Variants in DNAH14 observed in about 807,000 individuals in gnomAD.
DNAH14 encodes axonemal beta dynein heavy chain 14.
DNAH14 carries 478 observed loss-of-function variants against 520.9 expected under a neutral mutation model. The observed-to-expected ratio is 0.92, with a 90% CI of 0.85 to 0.99. The LOEUF (loss-of-function observed/expected upper bound fraction) is 0.99, where lower values mean the gene tolerates loss of function less well. Among genes scored for constraint, DNAH14 ranks in the 50% least tolerant of loss-of-function variants. The pLI, the probability that DNAH14 is intolerant of heterozygous loss-of-function variation, is 0.00. For missense variants in DNAH14, 4,831 were observed against 5,234.5 expected, an observed-to-expected ratio of 0.92 and a Z score of 2.38; for synonymous variants, 1,581 against 1,757.2, an observed-to-expected ratio of 0.90 and a Z score of 2.51.
chr1:225,167,169 T>C (rs978535475), intron 35 of DNAH14, among the ~76,000 whole-genome samples: 1 of 152,220 alleles, frequency 6.6e-6, no homozygotes, highest in East Asian at 1.9e-4. Flanking sequence ...CCTCCAGTTA[T>C]TGCCATAGAA....
chr1:225,193,981 A>AAT, intron 38 of DNAH14, among the ~76,000 whole-genome samples: 1 of 152,178 alleles, frequency 6.6e-6, no homozygotes. Flanking sequence ...CCAGGAATAC[A>AAT]TCTAACCAAG....
chr1:225,062,065 G>A (rs1558831076), intron 17 of DNAH14, among the ~76,000 whole-genome samples: 1 of 46,202 alleles, frequency 2.2e-5, no homozygotes, highest in African/African-American at 3.2e-5. Flanking sequence ...TTGGGAGGCC[G>A]AGGCGGATGG....
chr1:225,145,270 C>T lies in DNAH14; in HGVS notation c.4741-56C>T, dbSNP rs1033401643. On this transcript the variant is annotated intron_variant, in intron 29 of 85. Coordinates refer to ENST00000682510, the MANE Select transcript of DNAH14 (RefSeq NM_001367479.1). The stretch of plus-strand genomic sequence containing the variant: ...CATTTTATTACTCTAGCAGTTTTAA[C>T]ATTAGTATTTTGTGTCATAATTCAA... The T allele has an allele frequency of 2.9e-6, 4 of 1,369,176 alleles. No individual in the cohort carries two copies. In the African/African-American group the frequency reaches 4.4e-5, roughly 15 times the overall value. The allele number at this position is 1,369,176 out of a possible 1,614,324, so 84.8% of individuals were successfully genotyped here. A position where few individuals can be genotyped will look rare whatever the true frequency, so the allele number is the denominator to read the frequency against.
intron 76 of DNAH14, 27 bp from the exon 77 acceptor site, chr1:225,367,778 G>A (rs1297402943): frequency 8.6e-6 from 13 of 1,512,078 alleles, no homozygotes; most frequent in Non-Finnish European, 1.1e-5. Context: ...GTCCTCACAT[G>A]CCATTTTACT....
At chr1:225,369,501 C>T (rs1041182786) in intron 77 of DNAH14, among the ~76,000 whole-genome samples, 3 of 149,692 alleles carry the variant, frequency 2.0e-5, no homozygotes, top group Non-Finnish European at 3.0e-5. Context: ...TATATATACA[C>T]ACATGTATAT....
chr1:225,024,224 G>A, intron 11 of DNAH14: 1 of 988,116 alleles, frequency 1.0e-6, no homozygotes, highest in Non-Finnish European at 1.2e-6. Flanking sequence ...AGTATACTCT[G>A]TCTTCCAGGT....
At chr1:224,967,213 G>A (rs1397946699) in intron 5 of DNAH14, among the ~76,000 whole-genome samples, 3 of 151,848 alleles carry the variant, frequency 2.0e-5, no homozygotes, top group Non-Finnish European at 4.4e-5. Flanking sequence ...CCTTTTTTAA[G>A]GATGAAAATT....
chr1:225,333,213 C>T, intron 65 of DNAH14, 78 bp from the exon 66 acceptor site: 1 of 1,206,714 alleles, frequency 8.3e-7, no homozygotes, highest in East Asian at 2.6e-5. Flanking sequence ...ATAGATCCAA[C>T]TTGGAAATCA....
intron 31 of DNAH14, among the ~76,000 whole-genome samples, chr1:225,148,379 T>C (rs889427395): frequency 6.6e-6 from 1 of 150,514 alleles, no homozygotes; most frequent in African/African-American, 2.5e-5. Context: ...TTTTCTCTAA[T>C]GATCAGTAAT....
At chr1:225,002,066 G>A (rs1324064310) in intron 8 of DNAH14, among the ~76,000 whole-genome samples, 4 of 152,084 alleles carry the variant, frequency 2.6e-5, no homozygotes, top group African/African-American at 4.8e-5. Flanking sequence ...TATATTTTCT[G>A]TATATTATGA....
At chr1:225,124,290 C>T (rs1180725737) in intron 27 of DNAH14, among the ~76,000 whole-genome samples, 1 of 152,130 alleles carries the variant, frequency 6.6e-6, no homozygotes, top group Non-Finnish European at 1.5e-5. Flanking sequence ...ATGAAGTTTG[C>T]CACATGGCTT....
At chr1:225,240,348 T>G (rs1420729507) in intron 42 of DNAH14, among the ~76,000 whole-genome samples, 1 of 150,902 alleles carries the variant, frequency 6.6e-6, no homozygotes, top group African/African-American at 2.4e-5. Flanking sequence ...TAAAAGTATA[T>G]TTGAAATAAA....
intron 17 of DNAH14, among the ~76,000 whole-genome samples, chr1:225,074,127 G>C (rs1299631543): frequency 6.8e-6 from 1 of 147,130 alleles, no homozygotes; most frequent in Non-Finnish European, 1.5e-5. Flanking sequence ...AGCCTCCCAA[G>C]TAGCTGGGAC....
intron 8 of DNAH14, 92 bp downstream of exon 8, chr1:224,974,245 A>T (rs550083816): frequency 1.1e-5 from 9 of 819,404 alleles, no homozygotes; most frequent in Non-Finnish European, 1.6e-5. Flanking sequence ...ATTTTCATTC[A>T]GTGATTAGAA....
intron 77 of DNAH14, among the ~76,000 whole-genome samples, chr1:225,370,116 C>T (rs2095601681): frequency 6.6e-6 from 1 of 152,040 alleles, no homozygotes; most frequent in African/African-American, 2.4e-5. Context: ...GAGGAGTAAC[C>T]CCATCTCTAC....
At chr1:225,213,539 G>A (rs919644962) in intron 41 of DNAH14, among the ~76,000 whole-genome samples, 4 of 152,192 alleles carry the variant, frequency 2.6e-5, no homozygotes, top group African/African-American at 9.7e-5. Flanking sequence ...CTTTCCATGA[G>A]CATGAGATGT....
chr1:224,975,532 C>G (rs1212229094), intron 8 of DNAH14, among the ~76,000 whole-genome samples: 1 of 151,990 alleles, frequency 6.6e-6, no homozygotes, highest in Admixed American at 6.6e-5. Flanking sequence ...TTGTAGTATT[C>G]TCTGATGGTA....
intron 49 of DNAH14, among the ~76,000 whole-genome samples, chr1:225,267,817 G>C: frequency 6.6e-6 from 1 of 151,576 alleles, no homozygotes; most frequent in East Asian, 1.9e-4. Context: ...GCATGTGAGC[G>C]CTATCAGGTC....
At chr1:224,945,939 G>T (rs111966604) in intron 1 of DNAH14, among the ~76,000 whole-genome samples, 2,024 of 152,256 alleles carry the variant, frequency 0.013, no homozygotes, top group Non-Finnish European at 0.022. Context: ...GGGGGTCAGG[G>T]AACTGCTTGA....
Sources: allele counts gnomAD v4.1 joint callset (sites outside exome capture counted in the v4.1 genomes callset), GRCh38; gene constraint gnomAD v4.1.1; transcripts MANE v1.5; gene names NCBI Gene and HGNC (gene_info 2026-07-23, HGNC 2026-07-21).